The following CNTNAP4 variants were observed in gnomAD, a reference collection of about 807,000 sequenced individuals.
CNTNAP4 encodes the protein contactin associated protein family member 4.
Under a neutral mutation model 148.4 loss-of-function variants are expected in CNTNAP4, and 98 were observed. The ratio of observed to expected loss-of-function variants is 0.66; its 90% confidence interval spans 0.56 to 0.78. The LOEUF (loss-of-function observed/expected upper bound fraction) is 0.78, where lower values mean the gene tolerates loss of function less well. Ranked by LOEUF, CNTNAP4 falls within the 30% of genes least tolerant of loss-of-function variation. The probability of loss-of-function intolerance (pLI) is 0.00; values close to 1 mark genes in which losing one functional copy is unlikely to be tolerated. For synonymous variants in CNTNAP4, 730 were observed against 565.1 expected (o/e 1.29, Z -4.14); for missense variants, 1,935 against 1,565.6 (o/e 1.24, Z -3.98).
At chr16:76,305,280 C>T (rs757659233) in intron 1 of CNTNAP4, among the ~76,000 whole-genome samples, 2 of 152,074 alleles carry the variant, frequency 1.3e-5, no homozygotes, top group Non-Finnish European at 2.9e-5. Context: ...CTTATACTTT[C>T]TCCATAAGAA....
At chr16:76,360,404 A>G (rs2013260852) in intron 3 of CNTNAP4, among the ~76,000 whole-genome samples, 1 of 152,198 alleles carries the variant, frequency 6.6e-6, no homozygotes, top group African/African-American at 2.4e-5. Context: ...GTTTAATAGA[A>G]AATCTGAGGA....
chr16:76,342,783 T>C (rs1428475291), intron 2 of CNTNAP4, among the ~76,000 whole-genome samples: 1 of 152,164 alleles, frequency 6.6e-6, no homozygotes, highest in Non-Finnish European at 1.5e-5. Context: ...TTTCAAACAA[T>C]GACAAACTGA....
intron 10 of CNTNAP4, among the ~76,000 whole-genome samples, chr16:76,469,120 TAGAAAAC>T (rs2081279682): frequency 6.6e-6 from 1 of 152,204 alleles, no homozygotes; most frequent in Admixed American, 6.5e-5. Flanking sequence ...TCATTATGTC[TAGAAAAC>T]AGTAATAATA....
At chr16:76,445,555 A>G (rs930165317) in intron 4 of CNTNAP4, among the ~76,000 whole-genome samples, 97 of 152,180 alleles carry the variant, frequency 6.4e-4, no homozygotes, top group African/African-American at 2.1e-3. Context: ...AGAGTATGCA[A>G]TTGCTTTAGG....
At chr16:76,400,358 T>C (rs1446567678) in intron 3 of CNTNAP4, among the ~76,000 whole-genome samples, 1 of 152,186 alleles carries the variant, frequency 6.6e-6, no homozygotes, top group African/African-American at 2.4e-5. Flanking sequence ...ATATAATATA[T>C]TGCATTCCAT....
intron 15 of CNTNAP4, among the ~76,000 whole-genome samples, chr16:76,504,582 A>C (rs994127602): frequency 1.1e-4 from 16 of 152,132 alleles, no homozygotes; most frequent in African/African-American, 3.9e-4. Flanking sequence ...ATACAACACT[A>C]AAAGTACAAT....
chr16:76,339,334 A>C (rs1054828827), intron 2 of CNTNAP4, among the ~76,000 whole-genome samples: 1 of 152,172 alleles, frequency 6.6e-6, no homozygotes, highest in African/African-American at 2.4e-5. Flanking sequence ...TTCCTAGCTT[A>C]AAAAGCTACT....
chr16:76,452,250 A>C (rs1233295381), intron 7 of CNTNAP4, among the ~76,000 whole-genome samples: 1 of 152,176 alleles, frequency 6.6e-6, no homozygotes, highest in Non-Finnish European at 1.5e-5. Context: ...CAAATGTTTT[A>C]TTCCAATGTG....
At chr16:76,416,243 T>A (rs2078979738) in intron 3 of CNTNAP4, among the ~76,000 whole-genome samples, 1 of 151,356 alleles carries the variant, frequency 6.6e-6, no homozygotes. Flanking sequence ...TCTCGAATGT[T>A]TTCCTGTTTC....
At chr16:76,514,870 C>T (rs1454027767) in intron 15 of CNTNAP4, among the ~76,000 whole-genome samples, 1 of 152,056 alleles carries the variant, frequency 6.6e-6, no homozygotes, top group African/African-American at 2.4e-5. Context: ...TATTTTTCAG[C>T]TTATTTAAAA....
Position 76,524,371 on chromosome 16 carries a change from A to C in CNTNAP4, c.2755+2114A>C, listed in dbSNP as rs1432422706. Reference sequence around the variant, plus strand: ...CAAAAAAATGAGAGATGGCCACAACAAAAGGTATGGCAATTTAAAATCTGT... The same window carrying C: ...CAAAAAAATGAGAGATGGCCACAACCAAAGGTATGGCAATTTAAAATCTGT... On this transcript the variant is annotated intron_variant, in intron 17 of 23. Transcript: ENST00000611870. Among the ~76,000 whole-genome samples the C allele has an allele frequency of 4.6e-5, 7 of 152,204 alleles. No homozygotes were observed. In the East Asian group the frequency reaches 1.3e-3, roughly 29 times the overall value.
At chr16:76,348,507 T>C (rs963000583) in intron 2 of CNTNAP4, among the ~76,000 whole-genome samples, 1 of 151,994 alleles carries the variant, frequency 6.6e-6, no homozygotes, top group Admixed American at 6.6e-5. Context: ...TAAAAGATCA[T>C]GTGAGATAAA....
chr16:76,309,757 G>T (rs530393771), intron 1 of CNTNAP4: 7 of 674,892 alleles, frequency 1.0e-5, no homozygotes, highest in South Asian at 4.6e-5. Flanking sequence ...TTGGGCGGAG[G>T]GGGTGGTCCG....
At chr16:76,348,435 G>T (rs113269002) in intron 2 of CNTNAP4, among the ~76,000 whole-genome samples, 4 of 152,072 alleles carry the variant, frequency 2.6e-5, no homozygotes, top group Admixed American at 1.3e-4. Context: ...GAGATCAACG[G>T]GGAGTGAATG....
At chr16:76,331,160 T>C (rs929452869) in intron 2 of CNTNAP4, among the ~76,000 whole-genome samples, 1 of 151,946 alleles carries the variant, frequency 6.6e-6, no homozygotes. Context: ...TTGATTCCAT[T>C]CTCATTCTTT....
intron 15 of CNTNAP4, among the ~76,000 whole-genome samples, chr16:76,504,847 A>G (rs532587012): frequency 3.0e-4 from 46 of 152,316 alleles, no homozygotes; most frequent in African/African-American, 1.0e-3. Context: ...AAATAAACAC[A>G]GTAAAGATCC....
chr16:76,319,408 G>A (rs1366663107), intron 2 of CNTNAP4, among the ~76,000 whole-genome samples: 1 of 152,030 alleles, frequency 6.6e-6, no homozygotes, highest in Non-Finnish European at 1.5e-5. Flanking sequence ...AGGGAGGGGA[G>A]GAGAGGGGAG....
chr16:76,421,305 T>G (rs2079178981), intron 3 of CNTNAP4, among the ~76,000 whole-genome samples: 1 of 152,060 alleles, frequency 6.6e-6, no homozygotes, highest in African/African-American at 2.4e-5. Flanking sequence ...AAAATTCCAT[T>G]CCCTTTAATT....
chr16:76,528,473 C>T (rs769160509), intron 17 of CNTNAP4, among the ~76,000 whole-genome samples: 1 of 152,140 alleles, frequency 6.6e-6, no homozygotes, highest in Non-Finnish European at 1.5e-5. Context: ...CCTATGTGCC[C>T]AGGCTGGTCT....
Sources: allele counts gnomAD v4.1 joint callset (sites outside exome capture counted in the v4.1 genomes callset), GRCh38; gene constraint gnomAD v4.1.1; transcripts MANE v1.5; gene names NCBI Gene and HGNC (gene_info 2026-07-23, HGNC 2026-07-21).